Variants in BFSP2 observed in about 807,000 individuals in gnomAD.
BFSP2 encodes the protein phakinin.
BFSP2 carries 38 observed loss-of-function variants against 44.9 expected under a neutral mutation model. The ratio of observed to expected loss-of-function variants is 0.85; its 90% CI spans 0.65 to 1.11. The LOEUF is 1.11. BFSP2 is among the 50% of genes least tolerant of loss of function. The pLI, the probability that BFSP2 is intolerant of heterozygous loss-of-function variation, is 0.00. For missense variants in BFSP2, 525 were observed against 533.0 expected (o/e 0.99, Z 0.15); for synonymous variants, 197 against 209.9 (o/e 0.94, Z 0.53).
chr3:133,425,807 G>GGAAGGGAAGGGAAAGAAA (rs1559964191), intron 1 of BFSP2, among the ~76,000 whole-genome samples: 5 of 120,450 alleles, frequency 4.2e-5, no homozygotes, highest in African/African-American at 1.2e-4. Context: ...AGGGAAGAAG[G>GGAAGGGAAGGGAAAGAAA]GAAGGGAAGG....
Position 133,447,388 on chromosome 3 carries a change from C to T in BFSP2, c.561C>T (p.Asp187=). ...QTETIQAGAD[D]FKERYENEQP... Reference sequence around the variant, plus strand: ...AAACTATCCAGGCCGGAGCAGATGACTTTAAAGAGAGGTAATGTCTTACAG... The same window carrying T: ...AAACTATCCAGGCCGGAGCAGATGATTTTAAAGAGAGGTAATGTCTTACAG... Residue 187 remains aspartate, a synonymous_variant, in exon 2 of 7, where the codon GAC becomes GAT. Transcript: ENST00000302334. 6.2e-7 allele frequency: 1 copy of T among 1,613,922 alleles called. No individual in the cohort carries two copies. Among genetic ancestry groups the T allele is most frequent in the Non-Finnish European group, 8.5e-7 (1 of 1,179,942 alleles).
At chr3:133,412,375 T>G (rs1010178726) in intron 1 of BFSP2, 3 of 151,966 alleles carry the variant, frequency 2.0e-5, no homozygotes, top group Admixed American at 6.5e-5. Flanking sequence ...TGCTTTAAGT[T>G]TGTGGAATTG....
At chr3:133,424,200 C>A (rs2073620521) in intron 1 of BFSP2, among the ~76,000 whole-genome samples, 1 of 77,412 alleles carries the variant, frequency 1.3e-5, no homozygotes, top group South Asian at 4.8e-4. Flanking sequence ...CGCCTACCAC[C>A]GCGTCCAGCT....
intron 1 of BFSP2, among the ~76,000 whole-genome samples, chr3:133,426,981 C>T (rs1576570882): frequency 6.6e-6 from 1 of 152,168 alleles, no homozygotes; most frequent in Non-Finnish European, 1.5e-5. Flanking sequence ...TGGCTCATTT[C>T]CCCTGTGCCT....
rs1000010032 is a variant in BFSP2, at chr3:133,437,726, A to C, written c.490-9591A>C. On this transcript the variant is annotated intron_variant, in intron 1 of 6. Coordinates refer to ENST00000302334, the MANE Select transcript of BFSP2 (RefSeq NM_003571.4). ...TTAACATTAGAACCATGATTCAAAC[A>C]TGGGGGTAATGGAAGATGGCTGAGC... Among the ~76,000 whole-genome samples the C allele has an allele frequency of 1.9e-4, 29 of 152,210 alleles. 1 individual carries two copies. Among genetic ancestry groups the C allele is most frequent in the Admixed American group, 6.5e-5 (1 of 15,276 alleles).
At chr3:133,408,871 G>T (rs1280591577) in intron 1 of BFSP2, among the ~76,000 whole-genome samples, 1 of 152,194 alleles carries the variant, frequency 6.6e-6, no homozygotes, top group Non-Finnish European at 1.5e-5. Flanking sequence ...GTTACTTATA[G>T]GAGGGTGGAG....
At chr3:133,434,227 C>A (rs187926177) in intron 1 of BFSP2, among the ~76,000 whole-genome samples, 2,228 of 152,258 alleles carry the variant, frequency 0.015, 25 homozygotes, top group Non-Finnish European at 0.02. Context: ...CCTTTTATAC[C>A]TGTTTTTCTC....
intron 1 of BFSP2, among the ~76,000 whole-genome samples, chr3:133,433,706 T>A (rs1469385963): frequency 1.3e-5 from 2 of 152,286 alleles, no homozygotes; most frequent in Non-Finnish European, 2.9e-5. Context: ...CCTTTATTAG[T>A]CAAATCAGCC....
At chr3:133,419,480 C>T (rs968183403) in intron 1 of BFSP2, among the ~76,000 whole-genome samples, 2 of 152,114 alleles carry the variant, frequency 1.3e-5, no homozygotes, top group African/African-American at 2.4e-5. Flanking sequence ...GAAGGGTAGG[C>T]GGGCCCACAG....
intron 1 of BFSP2, among the ~76,000 whole-genome samples, chr3:133,424,883 G>A (rs564431364): frequency 6.6e-6 from 1 of 151,938 alleles, no homozygotes; most frequent in Admixed American, 6.6e-5. Flanking sequence ...GATCCGCTAG[G>A]CTCAGCCTCC....
At position 133,446,126 on chromosome 3, in the gene BFSP2, A is replaced by G. The variant is rs2073894226; in HGVS notation, c.490-1191A>G. 2.0e-5 allele frequency among the ~76,000 whole-genome samples: 3 copies of G among 152,150 alleles called. No homozygotes were observed. In the South Asian group the frequency reaches 6.2e-4, roughly 32 times the overall value. Reference sequence around the variant, plus strand: ...AAATGATTAGCTTTGCTAGTGGGGAATTCAATGAAAATGGCAGGGTTTGGT... The same window carrying G: ...AAATGATTAGCTTTGCTAGTGGGGAGTTCAATGAAAATGGCAGGGTTTGGT... On this transcript the variant is annotated intron_variant, in intron 1 of 6. Transcript: ENST00000302334.
At chr3:133,403,505 G>A (rs1451827999) in intron 1 of BFSP2, among the ~76,000 whole-genome samples, 6 of 151,854 alleles carry the variant, frequency 4.0e-5, no homozygotes, top group African/African-American at 9.7e-5. Flanking sequence ...AGAGAAATTC[G>A]ACCTCCTTAG....
chr3:133,432,521 T>TA lies in BFSP2; in HGVS notation c.490-14796_490-14795insA, dbSNP rs200267484. 7.2e-3 allele frequency among the ~76,000 whole-genome samples: 1,093 copies of TA among 152,268 alleles called. 15 individuals carry two copies. Among genetic ancestry groups the TA allele is most frequent in the East Asian group, 0.065 (338 of 5,182 alleles). ...AGCTCTCATTACTTCAGCCAAGCTC[T>TA]TTCTCATGATTTACTTTCTTTCCAC... On this transcript the variant is annotated intron_variant, in intron 1 of 6. Transcript: ENST00000302334.
At chr3:133,422,410 G>A (rs566179057) in intron 1 of BFSP2, among the ~76,000 whole-genome samples, 2 of 152,308 alleles carry the variant, frequency 1.3e-5, no homozygotes, top group African/African-American at 4.8e-5. Context: ...CCCTGGACAT[G>A]CAGAAACCTG....
At chr3:133,466,176 C>G (rs937561977) in intron 4 of BFSP2, among the ~76,000 whole-genome samples, 3 of 144,636 alleles carry the variant, frequency 2.1e-5, no homozygotes, top group African/African-American at 7.5e-5. Flanking sequence ...ACGGGGGGGG[C>G]AATACATATT....
chr3:133,414,577 TCTCTA>T (rs564692028), intron 1 of BFSP2, among the ~76,000 whole-genome samples: 10 of 91,256 alleles, frequency 1.1e-4, no homozygotes, highest in African/African-American at 4.5e-4. Flanking sequence ...TCCCCTCTCC[TCTCTA>T]CTCAGCCCTG....
At chr3:133,449,980 G>GAAAGAAAGAAAGAAAGAAAGAGAGAAA (rs2073943316) in intron 3 of BFSP2, among the ~76,000 whole-genome samples, 1 of 86,266 alleles carries the variant, frequency 1.2e-5, no homozygotes, top group African/African-American at 3.9e-5. Context: ...AAGGAAAGAA[G>GAAAGAAAGAAAGAAAGAAAGAGAGAAA]GAAAGGAAGG....
chr3:133,415,186 T>C (rs1252131973), intron 1 of BFSP2, among the ~76,000 whole-genome samples: 38 of 29,450 alleles, frequency 1.3e-3, no homozygotes, highest in Admixed American at 2.2e-3. Context: ...TCTACTCAAC[T>C]CTGTCCTCTC....
At chr3:133,453,758 C>T (rs375769857) in intron 4 of BFSP2, among the ~76,000 whole-genome samples, 1 of 152,062 alleles carries the variant, frequency 6.6e-6, no homozygotes. Flanking sequence ...CACTAAACTG[C>T]GAAAGCCTAA....
Sources: gnomAD v4.1 joint callset for allele counts (sites outside exome capture counted in the v4.1 genomes callset) on GRCh38, gnomAD v4.1.1 for gene constraint, MANE v1.5 for transcripts, NCBI Gene and HGNC (gene_info 2026-07-23, HGNC 2026-07-21) for gene names.